PDX1: variants seen among roughly 807,000 people sequenced by gnomAD.
The protein encoded by PDX1 is pancreatic and duodenal homeobox 1.
In PDX1, 7 loss-of-function variants were observed where a neutral mutation model predicts 11.1. The observed-to-expected ratio is 0.63, with a 90% CI of 0.36 to 1.19. The LOEUF is 1.19. Among genes scored for constraint, PDX1 ranks in the 50% most tolerant of loss-of-function variants. The pLI, the probability that PDX1 is intolerant of heterozygous loss-of-function variation, is 0.02. For missense variants in PDX1, 449 were observed against 412.1 expected (o/e 1.09, Z -0.78); for synonymous variants, 232 against 196.2 (o/e 1.18, Z -1.53).
At position 27,920,057 on chromosome 13, in the gene PDX1, C is replaced by A; in HGVS notation, c.-82C>A. ...GGTGGCGCCGGGAGTGGGAACGCCA[C>A]ACAGTGCCAAATCCCCGGCTCCAGC... On this transcript the variant is annotated 5_prime_UTR_variant, in exon 1 of 2. Transcript: ENST00000381033. 6.6e-7 allele frequency: 1 copy of A among 1,511,234 alleles called. No individual in the cohort carries two copies. The highest frequency in any genetic ancestry group is 9.0e-7 in the Non-Finnish European group (1 of 1,113,414). The allele number at this position is 1,511,234 out of a possible 1,614,324, so 93.6% of individuals were successfully genotyped here. A position where few individuals can be genotyped will look rare whatever the true frequency, so the allele number is the denominator to read the frequency against.
chr13:27,924,761 C>T lies in PDX1; in HGVS notation c.*60C>T. ...CCACTCGCCGAGGAGGAGCAGAGGG[C>T]CTAGGAGGACCCCGGGCGTGGACCA... is the stretch of plus-strand genomic sequence containing the variant. On this transcript the variant is annotated 3_prime_UTR_variant, in exon 2 of 2. Transcript: ENST00000381033. This position sits in a 1 kb window ranked among gnomAD's most constrained non-coding sequence, Gnocchi z 4.8. The T allele has an allele frequency of 7.6e-7, 1 of 1,320,970 alleles. No homozygotes were observed. Among genetic ancestry groups the T allele is most frequent in the Non-Finnish European group, 9.8e-7 (1 of 1,018,572 alleles). 81.8% of individuals were successfully genotyped at this position (1,320,970 alleles called of 1,614,324 possible).
chr13:27,924,525 G>A lies in PDX1; in HGVS notation c.676G>A (p.Asp226Asn), dbSNP rs1466692234. 2 of 1,604,164 alleles carry A rather than the reference G, an allele frequency of 1.2e-6. No homozygotes were observed. Among genetic ancestry groups the A allele is most frequent in the Non-Finnish European group, 1.7e-6 (2 of 1,176,252 alleles). Reference sequence around the variant, plus strand: ...TGGCGGGGTCGCGGAGCCTGAGCAGGACTGCGCCGTGACCTCCGGCGAGGA... The same window carrying A: ...TGGCGGGGTCGCGGAGCCTGAGCAGAACTGCGCCGTGACCTCCGGCGAGGA... Reference protein sequence around the residue: ...GGGGVAEPEQDCAVTSGEELL... With the variant: ...GGGGVAEPEQNCAVTSGEELL... Residue 226 changes from aspartate (D) to asparagine (N), a missense_variant, in exon 2 of 2, where the codon GAC (aspartate) becomes AAC (asparagine). Coordinates refer to ENST00000381033, the MANE Select transcript of PDX1 (RefSeq NM_000209.4). The surrounding 1 kb of genome is among the most constrained non-coding windows in gnomAD (Gnocchi z 4.8).
rs758919455 is a variant in PDX1, at chr13:27,920,440, C to A, written c.302C>A (p.Pro101Gln). The A allele has an allele frequency of 5.0e-6, 8 of 1,584,710 alleles. No individual in the cohort carries two copies. The African/African-American group carries it at 1.1e-4, about 21-fold the overall frequency. The change falls in exon 1 of 2, where the codon CCG (proline) becomes CAG (glutamine). Residue 101 changes from proline (P) to glutamine (Q), a missense_variant. Around this residue, in one of 3 missense-constraint regions of PDX1, gnomAD observed 263 missense variants for 212.5 expected, o/e 1.24. Coordinates refer to ENST00000381033, the MANE Select transcript of PDX1 (RefSeq NM_000209.4). Reference protein sequence around the residue: ...ALPHPPAGPFPEGAEPGVLEE... With the variant: ...ALPHPPAGPFQEGAEPGVLEE... ...CCCCACCCGCCCGCCGGGCCCTTCC[C>A]GGAGGGAGCCGAGCCGGGCGTCCTG...
rs1957810768 is a variant in PDX1, at chr13:27,924,497, G to A, written c.648G>A (p.Gly216=). 3 of 1,611,942 alleles carry A rather than the reference G, an allele frequency of 1.9e-6. No individual in the cohort carries two copies. The highest frequency in any genetic ancestry group is 2.5e-6 in the Non-Finnish European group (3 of 1,179,618). The change falls in exon 2 of 2, where the codon GGG becomes GGA. Residue 216 remains glycine, a synonymous_variant. Coordinates refer to ENST00000381033, the MANE Select transcript of PDX1 (RefSeq NM_000209.4). The surrounding 1 kb of genome is among the most constrained non-coding windows in gnomAD (Gnocchi z 4.8). ...DKKRGGGTAV[G]GGGVAEPEQD... ...AGCGCGGCGGCGGGACAGCTGTCGGGGGTGGCGGGGTCGCGGAGCCTGAGC... is the reference window on the plus strand; with the variant it reads ...AGCGCGGCGGCGGGACAGCTGTCGGAGGTGGCGGGGTCGCGGAGCCTGAGC...
rs1275462023 is a variant in PDX1, at chr13:27,924,232, A to T, written c.407-24A>T. The T allele has an allele frequency of 6.4e-7, 1 of 1,557,900 alleles. No homozygotes were observed. The highest frequency in any genetic ancestry group is 8.7e-7 in the Non-Finnish European group (1 of 1,152,542). On this transcript the variant is annotated intron_variant, in intron 1 of 1. Coordinates refer to ENST00000381033, the MANE Select transcript of PDX1 (RefSeq NM_000209.4). This position sits in a 1 kb window ranked among gnomAD's most constrained non-coding sequence, Gnocchi z 4.8. ...GGCTGTGCGGGGCTCCGGGGGCCAC[A>T]CTCACGCCCTGTGTCGCCCGCAGGC... is the stretch of plus-strand genomic sequence containing the variant.
intron 1 of PDX1, among the ~76,000 whole-genome samples, chr13:27,923,914 T>C (rs1957804408): frequency 6.6e-6 from 1 of 152,224 alleles, no homozygotes; most frequent in Non-Finnish European, 1.5e-5. Flanking sequence ...GGTTTAACTA[T>C]TATATACATT....
Position 27,924,592 on chromosome 13 carries a change from T to C in PDX1, c.743T>C (p.Val248Ala). Residue 248 changes from valine (V) to alanine (A), a missense_variant, in exon 2 of 2, where the codon GTG (valine) becomes GCG (alanine). Physicochemically the swap from Val to Ala is moderately conservative, Grantham distance 64. Coordinates refer to ENST00000381033, the MANE Select transcript of PDX1 (RefSeq NM_000209.4). This position sits in a 1 kb window ranked among gnomAD's most constrained non-coding sequence, Gnocchi z 4.8. ...CCGCCGCCGCCCCCCGGAGGTGCTGTGCCGCCCGCTGCCCCCGTTGCCGCC... is the reference window on the plus strand; with the variant it reads ...CCGCCGCCGCCCCCCGGAGGTGCTGCGCCGCCCGCTGCCCCCGTTGCCGCC... Reference protein sequence around the residue: ...LPPPPPPGGAVPPAAPVAARE... With the variant: ...LPPPPPPGGAAPPAAPVAARE... 2.7e-6 allele frequency: 4 copies of C among 1,463,404 alleles called. No homozygotes were observed. Among genetic ancestry groups the C allele is most frequent in the Non-Finnish European group, 3.6e-6 (4 of 1,113,538 alleles). The allele number at this position is 1,463,404 out of a possible 1,614,324, so 90.7% of individuals were successfully genotyped here.
chr13:27,921,862 G>A lies in PDX1; in HGVS notation c.406+1318G>A, dbSNP rs115639473. On this transcript the variant is annotated intron_variant, in intron 1 of 1. Coordinates refer to ENST00000381033, the MANE Select transcript of PDX1 (RefSeq NM_000209.4). ...GTTGACAGGGGCGCCAGAAGCTGCC[G>A]CGGCGCCTCTGCAAATTTATCCAGC... Among the ~76,000 whole-genome samples the A allele has an allele frequency of 4.9e-3, 743 of 152,350 alleles. 2 individuals carry two copies. Among genetic ancestry groups the A allele is most frequent in the African/African-American group, 0.016 (678 of 41,592 alleles).
At position 27,920,377 on chromosome 13, in the gene PDX1, C is replaced by T. The variant is rs957995159; in HGVS notation, c.239C>T (p.Ala80Val). The T allele has an allele frequency of 5.2e-6, 8 of 1,546,746 alleles. No individual in the cohort carries two copies. The East Asian group carries it at 7.3e-5, about 14-fold the overall frequency. Residue 80 changes from alanine to valine, a missense_variant, in exon 1 of 2, where the codon GCG becomes GTG. By Grantham distance (64) the Ala-to-Val change is moderately conservative. This residue lies in a region of PDX1 where 263 missense variants were observed against 212.5 expected (regional missense o/e 1.24). Transcript: ENST00000381033. ...VPPLADDPAV[A>V]HLHHHLPAQL... The stretch of plus-strand genomic sequence containing the variant: ...CCCCTCGCCGACGACCCCGCGGTGG[C>T]GCACCTTCACCACCACCTCCCGGCT...
Position 27,924,136 on chromosome 13 carries a change from C to T in PDX1, c.407-120C>T. On this transcript the variant is annotated intron_variant, in intron 1 of 1. Transcript: ENST00000381033. The surrounding 1 kb of genome is among the most constrained non-coding windows in gnomAD (Gnocchi z 4.8). ...GAAATGGGATGCTGGGGCTTGGTGG[C>T]TCCGGCGGGAGCAGCTGGTAGGGCT... The T allele has an allele frequency of 2.4e-6, 2 of 834,008 alleles. No individual in the cohort carries two copies. The highest frequency in any genetic ancestry group is 3.6e-6 in the Non-Finnish European group (2 of 560,922). The allele number at this position is 834,008 out of a possible 1,614,324, so 51.7% of individuals were successfully genotyped here. A position where few individuals can be genotyped will look rare whatever the true frequency, so the allele number is the denominator to read the frequency against.
At chr13:27,920,855 G>A (rs1957781256) in intron 1 of PDX1, among the ~76,000 whole-genome samples, 1 of 152,240 alleles carries the variant, frequency 6.6e-6, no homozygotes, top group South Asian at 2.1e-4. Context: ...CCTGCTCAGG[G>A]CTTCGGACAC....
intron 1 of PDX1, among the ~76,000 whole-genome samples, chr13:27,923,327 G>C (rs1957801214): frequency 6.6e-6 from 1 of 152,186 alleles, no homozygotes; most frequent in African/African-American, 2.4e-5. Context: ...TCCTCCGTAG[G>C]GCTGTCGGTT....
At chr13:27,921,098 G>A (rs1262362307) in intron 1 of PDX1, among the ~76,000 whole-genome samples, 2 of 152,240 alleles carry the variant, frequency 1.3e-5, no homozygotes, top group African/African-American at 2.4e-5. Context: ...GCAGTGTCCG[G>A]CTGCCCTGGT....
intron 1 of PDX1, among the ~76,000 whole-genome samples, chr13:27,922,568 G>A (rs765192351): frequency 6.6e-6 from 1 of 152,174 alleles, no homozygotes; most frequent in Non-Finnish European, 1.5e-5. Flanking sequence ...CTTCAGCAGC[G>A]CTGTCCAGCT....
chr13:27,922,929 T>A lies in PDX1; in HGVS notation c.407-1327T>A, dbSNP rs552107467. ...CGGGGATGCCCCCAGGGAGTAGAAC[T>A]CTCCCTGGACTAGGGTTTGAGCCTC... On this transcript the variant is annotated intron_variant, in intron 1 of 1. Coordinates refer to ENST00000381033, the MANE Select transcript of PDX1 (RefSeq NM_000209.4). 2.0e-5 allele frequency among the ~76,000 whole-genome samples: 3 copies of A among 152,264 alleles called. No homozygotes were observed. In the South Asian group the frequency reaches 6.2e-4, roughly 32 times the overall value.
chr13:27,920,849 C>T (rs1161036869), intron 1 of PDX1, among the ~76,000 whole-genome samples: 1 of 152,250 alleles, frequency 6.6e-6, no homozygotes, highest in East Asian at 1.9e-4. Context: ...CTGAGTCCTG[C>T]TCAGGGCTTC....
intron 1 of PDX1, among the ~76,000 whole-genome samples, chr13:27,921,473 C>A (rs1045382225): frequency 1.3e-5 from 2 of 152,246 alleles, no homozygotes; most frequent in Non-Finnish European, 2.9e-5. Context: ...CGGCCTGTGT[C>A]GTCGCCGCTA....
chr13:27,922,336 TCGGGGAAGGAGA>T (rs1175316864), intron 1 of PDX1, among the ~76,000 whole-genome samples: 3 of 152,056 alleles, frequency 2.0e-5, no homozygotes, highest in African/African-American at 7.2e-5. Flanking sequence ...TGCTCGACTC[TCGGGGAAGGAGA>T]CGACCTCCCC....
intron 1 of PDX1, among the ~76,000 whole-genome samples, chr13:27,921,790 C>G (rs990027273): frequency 6.6e-6 from 1 of 152,218 alleles, no homozygotes; most frequent in Non-Finnish European, 1.5e-5. Context: ...TGAGGCAGGA[C>G]GAGGGCTGAA....
Sources: gnomAD v4.1 joint callset for allele counts (sites outside exome capture counted in the v4.1 genomes callset) on GRCh38, gnomAD v4.1.1 for gene constraint, gnomAD v4.1.1 regional missense constraint, Gnocchi (gnomAD v3.1) non-coding constraint, MANE v1.5 for transcripts, NCBI Gene and HGNC (gene_info 2026-07-23, HGNC 2026-07-21) for gene names.